Variants in DENND2B observed in about 807,000 individuals in gnomAD.
DENND2B encodes the protein DENN domain-containing protein 2B.
Under a neutral mutation model 116.0 loss-of-function variants are expected in DENND2B, and 32 were observed. That is an observed-to-expected ratio of 0.28 (90% CI 0.21 to 0.37). The LOEUF is 0.37. Among genes scored for constraint, DENND2B ranks in the 10% least tolerant of loss-of-function variants. DENND2B has a pLI of 1.00. For synonymous variants in DENND2B, 588 were observed against 583.9 expected (o/e 1.01, Z -0.10); for missense variants, 1,276 against 1,477.7 (o/e 0.86, Z 2.24).
chr11:8,703,510 A>G (rs1170513295), intron 13 of DENND2B: 1 of 152,386 alleles, frequency 6.6e-6, no homozygotes, highest in East Asian at 1.9e-4. Flanking sequence ...GGAACTGCTG[A>G]CGCTCAGGCC....
chr11:8,757,434 C>T (rs116345164), intron 1 of DENND2B, among the ~76,000 whole-genome samples: 146 of 152,252 alleles, frequency 9.6e-4, no homozygotes, highest in African/African-American at 3.5e-3. Flanking sequence ...AAGACACAGT[C>T]CCTGCCCTGG....
chr11:8,749,813 T>C (rs1293506370), intron 2 of DENND2B, among the ~76,000 whole-genome samples: 3 of 152,174 alleles, frequency 2.0e-5, no homozygotes, highest in Admixed American at 2.0e-4. Context: ...GAAAGGGCTA[T>C]GAGAGGTACA....
Position 8,707,665 on chromosome 11 carries a change from T to C in DENND2B, c.2430+112A>G. 1 of 1,020,668 alleles carries C rather than the reference T, an allele frequency of 9.8e-7. No individual in the cohort carries two copies. The highest frequency in any genetic ancestry group is 1.6e-5 in the South Asian group (1 of 64,388). 63.2% of individuals were successfully genotyped at this position (1,020,668 alleles called of 1,614,324 possible). A position where few individuals can be genotyped will look rare whatever the true frequency, so the allele number is the denominator to read the frequency against. On this transcript the variant is annotated intron_variant, in intron 12 of 19. Transcript: ENST00000313726. This position sits in a 1 kb window ranked among gnomAD's most constrained non-coding sequence, Gnocchi z 4.8. ...CACTGGTACTTGTTCCTGCATTCTG[T>C]CTCCCGCTCGCTCACAGTCACAGGT...
In DENND2B at chr11:8,731,182, A is replaced by T; in HGVS notation, c.108T>A (p.Val36=). 1 of 1,524,218 alleles carries T rather than the reference A, an allele frequency of 6.6e-7. No individual in the cohort carries two copies. The highest frequency in any genetic ancestry group is 8.8e-7 in the Non-Finnish European group (1 of 1,136,738). 94.4% of individuals were successfully genotyped at this position (1,524,218 alleles called of 1,614,324 possible). The stretch of plus-strand genomic sequence containing the variant: ...AGATGGGACTCCTTGGTGGGGAGAG[A>T]ACTGGAGGTGGAGAGACTGACTGAG... ...SRSQSVSPPP[V]LSPPRSPIYP... is the part of the protein sequence containing the mutation. The change falls in exon 3 of 20, where the codon GTT becomes GTA. Residue 36 remains valine, a synonymous_variant. Coordinates refer to ENST00000313726, the MANE Select transcript of DENND2B (RefSeq NM_213618.2).
At chr11:8,831,489 T>C (rs1342283969) in intron 4 of DENND2B, 1 of 152,334 alleles carries the variant, frequency 6.6e-6, no homozygotes, top group Non-Finnish European at 1.5e-5. Context: ...TAAGATGCAT[T>C]CACTCCTAAT....
intron 1 of DENND2B, among the ~76,000 whole-genome samples, chr11:8,903,998 C>A (rs1389123613): frequency 6.6e-6 from 1 of 151,826 alleles, no homozygotes; most frequent in Non-Finnish European, 1.5e-5. Context: ...AAAGCCCAGG[C>A]CCAGATGGTT....
In DENND2B at chr11:8,731,219, A is replaced by T. The variant is rs2048080551; in HGVS notation, c.81-10T>A. ...AGAGACTGACTGAGACCTGGGGGCA[A>T]AACAAAACAAAGGAAAAGAAAAGAA... is the stretch of plus-strand genomic sequence containing the variant. On this transcript the variant is annotated splice_polypyrimidine_tract_variant and intron_variant, in intron 2 of 19. Transcript: ENST00000313726. 2 of 1,474,176 alleles carry T rather than the reference A, an allele frequency of 1.4e-6. No individual in the cohort carries two copies. The highest frequency in any genetic ancestry group is 1.8e-6 in the Non-Finnish European group (2 of 1,111,210). The allele number at this position is 1,474,176 out of a possible 1,614,324, so 91.3% of individuals were successfully genotyped here.
upstream of DENND2B, chr11:8,811,013 C>A: frequency 3.0e-6 from 1 of 330,258 alleles, no homozygotes. Flanking sequence ...GACTTGTTTT[C>A]TTCCCCTCCA....
At chr11:8,870,094 C>T (rs1485009186) in intron 2 of DENND2B, among the ~76,000 whole-genome samples, 1 of 152,246 alleles carries the variant, frequency 6.6e-6, no homozygotes, top group African/African-American at 2.4e-5. Flanking sequence ...ATAATGACCT[C>T]TTTGCCATTC....
At chr11:8,852,921 G>A (rs2063060478) in intron 3 of DENND2B, among the ~76,000 whole-genome samples, 1 of 152,168 alleles carries the variant, frequency 6.6e-6, no homozygotes, top group South Asian at 2.1e-4. Flanking sequence ...GGCCTGATAA[G>A]CTTTTATGAG....
Position 8,717,747 on chromosome 11 carries a change from G to T in DENND2B, c.1623C>A (p.Pro541=). The change falls in exon 5 of 20, where the codon CCC becomes CCA. Residue 541 remains proline (P), a synonymous_variant. Coordinates refer to ENST00000313726, the MANE Select transcript of DENND2B (RefSeq NM_213618.2). ...SPQDRKYNSP[P]TQLSLKPNSQ... is the part of the protein sequence containing the mutation. The stretch of plus-strand genomic sequence containing the variant: ...GATGTCAGGGCTGAGTTACCTGTGT[G>T]GGCGGGCTGTTGTACTTCCTGTCCT... 6.4e-7 allele frequency: 1 copy of T among 1,565,010 alleles called. No individual in the cohort carries two copies. Among genetic ancestry groups the T allele is most frequent in the South Asian group, 1.2e-5 (1 of 86,622 alleles).
intron 1 of DENND2B, among the ~76,000 whole-genome samples, chr11:8,761,514 T>C (rs1052326954): frequency 2.0e-5 from 3 of 152,188 alleles, no homozygotes; most frequent in Admixed American, 6.5e-5. Context: ...GCCAGCCACA[T>C]CTCACTGGAT....
At chr11:8,711,261 A>G in intron 9 of DENND2B, 30 bp from the exon 10 acceptor site, 7 of 1,605,168 alleles carry the variant, frequency 4.4e-6, no homozygotes, top group South Asian at 1.1e-5. Flanking sequence ...AGGAGATGAC[A>G]TGGAACCTGA....
chr11:8,903,559 T>C (rs2064197826), intron 1 of DENND2B, among the ~76,000 whole-genome samples: 1 of 149,262 alleles, frequency 6.7e-6, no homozygotes, highest in South Asian at 2.1e-4. Flanking sequence ...TGTGAGGGAA[T>C]ATTACCAATA....
chr11:8,882,964 G>C (rs931711552), intron 1 of DENND2B, among the ~76,000 whole-genome samples: 2 of 152,182 alleles, frequency 1.3e-5, no homozygotes, highest in Non-Finnish European at 2.9e-5. Flanking sequence ...CTCCAGCCTG[G>C]ACGACAGAGT....
rs143103737 is a variant in DENND2B, at chr11:8,745,438, T to C, written c.80+5183A>G. Among the ~76,000 whole-genome samples, 283 of 152,306 alleles carry C rather than the reference T, an allele frequency of 1.9e-3. 2 individuals carry two copies. The highest frequency in any genetic ancestry group is 6.3e-3 in the African/African-American group (262 of 41,574). On this transcript the variant is annotated intron_variant, in intron 2 of 19. Transcript: ENST00000313726. Reference sequence around the variant, plus strand: ...ATGAATAAGAGAAGACCTGAGATTTTAGGGGAGAGAGTGAGTGTATTTTGC... The same window carrying C: ...ATGAATAAGAGAAGACCTGAGATTTCAGGGGAGAGAGTGAGTGTATTTTGC...
chr11:8,843,114 T>C (rs1384291688), intron 3 of DENND2B, among the ~76,000 whole-genome samples: 1 of 152,046 alleles, frequency 6.6e-6, no homozygotes, highest in East Asian at 1.9e-4. Flanking sequence ...CCTCCCGGGT[T>C]CAAGCAATTC....
At chr11:8,694,979 G>C (rs956352321) in intron 19 of DENND2B, among the ~76,000 whole-genome samples, 3 of 152,146 alleles carry the variant, frequency 2.0e-5, no homozygotes, top group African/African-American at 7.2e-5. Context: ...GGAGGATCAC[G>C]TGAGGCCAGA....
At chr11:8,720,062 C>G (rs144407989) in intron 4 of DENND2B, among the ~76,000 whole-genome samples, 4 of 152,192 alleles carry the variant, frequency 2.6e-5, no homozygotes, top group African/African-American at 7.2e-5. Flanking sequence ...AAAAATGTCT[C>G]CAGACACTGC....
Sources: allele counts gnomAD v4.1 joint callset (sites outside exome capture counted in the v4.1 genomes callset), GRCh38; gene constraint gnomAD v4.1.1; non-coding constraint Gnocchi (gnomAD v3.1); transcripts MANE v1.5; gene names NCBI Gene and HGNC (gene_info 2026-07-23, HGNC 2026-07-21).